Variants in HTR1F observed in about 807,000 individuals in gnomAD.
HTR1F encodes the protein 5-hydroxytryptamine receptor 1F.
A neutral mutation model predicts 24.0 loss-of-function variants in HTR1F; 17 were observed. The ratio of observed to expected loss-of-function variants is 0.71; its 90% CI spans 0.48 to 1.06. The LOEUF (loss-of-function observed/expected upper bound fraction) is 1.06, where lower values mean the gene tolerates loss of function less well. HTR1F is among the 50% of genes least tolerant of loss of function. The pLI, the probability that HTR1F is intolerant of heterozygous loss-of-function variation, is 0.00. For synonymous variants in HTR1F, 186 were observed against 156.8 expected (o/e 1.19, Z -1.39); for missense variants, 391 against 427.8 (o/e 0.91, Z 0.76).
intron 2 of HTR1F, among the ~76,000 whole-genome samples, chr3:87,933,155 C>T (rs939252156): frequency 4.6e-5 from 7 of 151,836 alleles, no homozygotes; most frequent in Non-Finnish European, 1.0e-4. Context: ...ATTCAACAAC[C>T]CTTCATGCTA....
intron 2 of HTR1F, among the ~76,000 whole-genome samples, chr3:87,952,998 CAT>C (rs779053157): frequency 1.6e-4 from 24 of 151,742 alleles, no homozygotes; most frequent in Non-Finnish European, 3.2e-4. Flanking sequence ...TTACAGAAAT[CAT>C]GTAATCAATC....
At chr3:87,861,291 C>G (rs1196148588) in intron 2 of HTR1F, among the ~76,000 whole-genome samples, 2 of 152,086 alleles carry the variant, frequency 1.3e-5, no homozygotes, top group South Asian at 2.1e-4. Context: ...AATTTACTCA[C>G]TAAGAACATT....
chr3:87,821,640 C>T (rs1031768595), intron 1 of HTR1F, among the ~76,000 whole-genome samples: 12 of 152,092 alleles, frequency 7.9e-5, no homozygotes, highest in African/African-American at 2.7e-4. Context: ...TCATAAGGAG[C>T]TTGTCAGCGA....
intron 2 of HTR1F, among the ~76,000 whole-genome samples, chr3:87,848,028 T>C (rs1325148448): frequency 6.6e-6 from 1 of 151,998 alleles, no homozygotes; most frequent in Non-Finnish European, 1.5e-5. Context: ...GGATAATCAA[T>C]ACCTAGCAGT....
intron 2 of HTR1F, among the ~76,000 whole-genome samples, chr3:87,961,771 G>A (rs1705066061): frequency 1.3e-5 from 2 of 150,226 alleles, no homozygotes; most frequent in Non-Finnish European, 3.0e-5. Context: ...GGAAAGTAAT[G>A]GAGGTAGTAT....
chr3:87,888,303 A>G (rs1387241293), intron 2 of HTR1F, among the ~76,000 whole-genome samples: 2 of 152,104 alleles, frequency 1.3e-5, no homozygotes, highest in Non-Finnish European at 2.9e-5. Flanking sequence ...GGAACATCAC[A>G]CACCGGGGCC....
intron 2 of HTR1F, among the ~76,000 whole-genome samples, chr3:87,937,512 C>G (rs1038168124): frequency 6.6e-6 from 1 of 152,062 alleles, no homozygotes; most frequent in Non-Finnish European, 1.5e-5. Flanking sequence ...CAACATCATA[C>G]CAAATGGGCA....
chr3:87,979,283 C>T (rs1395381041), intron 2 of HTR1F, among the ~76,000 whole-genome samples: 3 of 152,030 alleles, frequency 2.0e-5, no homozygotes, highest in Admixed American at 6.5e-5. Flanking sequence ...TCCTTCCAAT[C>T]CACACAACCG....
intron 2 of HTR1F, among the ~76,000 whole-genome samples, chr3:87,917,713 G>C (rs1461006219): frequency 1.3e-5 from 2 of 149,320 alleles, no homozygotes; most frequent in Non-Finnish European, 3.0e-5. Flanking sequence ...AGATTGAAAT[G>C]GTAATTCAAG....
chr3:87,817,663 A>G (rs1704275329), intron 1 of HTR1F, among the ~76,000 whole-genome samples: 1 of 152,212 alleles, frequency 6.6e-6, no homozygotes, highest in Non-Finnish European at 1.5e-5. Context: ...AATGAGATGC[A>G]TAGCTGAAAT....
intron 2 of HTR1F, among the ~76,000 whole-genome samples, chr3:87,887,429 A>G (rs1456812530): frequency 6.6e-6 from 1 of 151,970 alleles, no homozygotes. Flanking sequence ...GGACTTCATG[A>G]CTAAAACACC....
chr3:87,977,469 G>C (rs1160420212), intron 2 of HTR1F, among the ~76,000 whole-genome samples: 1 of 140,848 alleles, frequency 7.1e-6, no homozygotes, highest in Non-Finnish European at 1.5e-5. Context: ...CTTGATCTCA[G>C]CTCACTGCAA....
intron 2 of HTR1F, among the ~76,000 whole-genome samples, chr3:87,937,075 A>C (rs915610256): frequency 7.3e-5 from 10 of 137,838 alleles, no homozygotes; most frequent in African/African-American, 3.0e-4. Flanking sequence ...ATCCCTGTTG[A>C]AACTACCCAA....
chr3:87,982,242 T>C (rs552319010), intron 2 of HTR1F, among the ~76,000 whole-genome samples: 92 of 152,262 alleles, frequency 6.0e-4, no homozygotes, highest in African/African-American at 2.1e-3. Flanking sequence ...TATTTTTAAA[T>C]ATCGAGATAT....
intron 2 of HTR1F, among the ~76,000 whole-genome samples, chr3:87,951,828 G>A (rs1396466683): frequency 2.0e-5 from 3 of 151,928 alleles, no homozygotes; most frequent in African/African-American, 7.3e-5. Flanking sequence ...TACTCTGCCT[G>A]TTCATCTCCT....
chr3:87,827,282 T>C (rs923098442), intron 2 of HTR1F, among the ~76,000 whole-genome samples: 4 of 152,080 alleles, frequency 2.6e-5, no homozygotes, highest in Admixed American at 1.3e-4. Context: ...TGGTATGTGT[T>C]ATTCCCCTCC....
intron 2 of HTR1F, among the ~76,000 whole-genome samples, chr3:87,823,519 T>TTA (rs1704401715): frequency 1.3e-5 from 2 of 148,340 alleles, no homozygotes; most frequent in African/African-American, 5.1e-5. Context: ...GTCCCATATT[T>TTA]TTTTTTTTTT....
rs112571720 is a variant in HTR1F, at chr3:87,967,180, T to G, written c.-42-23528T>G. ...ACATCAATACCTCAGCCAGGCACAGTGGCTCACATCTGTAATCCCAGCACT... is the reference window on the plus strand; with the variant it reads ...ACATCAATACCTCAGCCAGGCACAGGGGCTCACATCTGTAATCCCAGCACT... On this transcript the variant is annotated intron_variant, in intron 2 of 2. Coordinates refer to ENST00000319595, the MANE Select transcript of HTR1F (RefSeq NM_001322209.2). 6.0e-3 allele frequency among the ~76,000 whole-genome samples: 910 copies of G among 152,304 alleles called. 12 individuals carry two copies. The highest frequency in any genetic ancestry group is 0.02 in the African/African-American group (849 of 41,568).
At chr3:87,824,834 C>T (rs1487509190) in intron 2 of HTR1F, among the ~76,000 whole-genome samples, 1 of 152,134 alleles carries the variant, frequency 6.6e-6, no homozygotes, top group Non-Finnish European at 1.5e-5. Flanking sequence ...CTGTTTTCAA[C>T]TCAAGATAAT....
Sources: gnomAD v4.1 joint callset for allele counts (sites outside exome capture counted in the v4.1 genomes callset) on GRCh38, gnomAD v4.1.1 for gene constraint, MANE v1.5 for transcripts, NCBI Gene and HGNC (gene_info 2026-07-23, HGNC 2026-07-21) for gene names.